Variants in TIAM1 observed in about 807,000 individuals in gnomAD.
The protein encoded by TIAM1 is TIAM Rac1 associated GEF 1.
In TIAM1, 65 loss-of-function variants were observed where a neutral mutation model predicts 163.5. The ratio of observed to expected loss-of-function variants is 0.40; its 90% CI spans 0.33 to 0.49. The LOEUF (loss-of-function observed/expected upper bound fraction) is 0.49. TIAM1 is among the 20% of genes least tolerant of loss of function. The probability of loss-of-function intolerance (pLI) is 0.77; values close to 1 mark genes in which losing one functional copy is unlikely to be tolerated. For synonymous variants in TIAM1, 833 were observed against 810.1 expected, an observed-to-expected ratio of 1.03 and a Z score of -0.48; for missense variants, 1,789 against 2,044.7, an observed-to-expected ratio of 0.87 and a Z score of 2.41.
At chr21:31,353,774 C>T (rs979803523) in intron 2 of TIAM1, among the ~76,000 whole-genome samples, 85 of 150,488 alleles carry the variant, frequency 5.6e-4, no homozygotes, top group Middle Eastern at 3.4e-3. Context: ...ACAATCTTGT[C>T]ATTAACAACC....
chr21:31,463,686 C>T (rs528652566), intron 2 of TIAM1, among the ~76,000 whole-genome samples: 1 of 151,960 alleles, frequency 6.6e-6, no homozygotes, highest in African/African-American at 2.4e-5. Context: ...GGCATTGTGG[C>T]GGGCACCTGT....
At chr21:31,267,471 G>A (rs1201908002) in intron 3 of TIAM1, among the ~76,000 whole-genome samples, 1 of 151,116 alleles carries the variant, frequency 6.6e-6, no homozygotes, top group Non-Finnish European at 1.5e-5. Context: ...AGGTGCATTT[G>A]GTAACCTCCT....
intron 2 of TIAM1, among the ~76,000 whole-genome samples, chr21:31,357,523 G>A (rs1317354046): frequency 6.6e-6 from 1 of 152,068 alleles, no homozygotes. Context: ...TTGTGATGAG[G>A]TCCAATCTCC....
intron 1 of TIAM1, among the ~76,000 whole-genome samples, chr21:31,544,169 C>T (rs1436942699): frequency 1.3e-5 from 2 of 151,606 alleles, no homozygotes; most frequent in African/African-American, 4.8e-5. Context: ...GATCATATCA[C>T]TGCACTCCAG....
intron 6 of TIAM1, among the ~76,000 whole-genome samples, chr21:31,243,207 A>ATATATATATATAT (rs1257885611): frequency 1.7e-5 from 2 of 117,348 alleles, no homozygotes; most frequent in African/African-American, 7.4e-5. Context: ...AAAAAAAAAA[A>ATATATATATATAT]AAATATATAT....
At chr21:31,512,480 A>G (rs2047241286) in intron 1 of TIAM1, among the ~76,000 whole-genome samples, 1 of 152,172 alleles carries the variant, frequency 6.6e-6, no homozygotes, top group Admixed American at 6.5e-5. Flanking sequence ...AACTACGGAC[A>G]CAGCCCTCTG....
chr21:31,228,219 TTAAAAAAAAAAAAAAAAAAA>T (rs2088120359), intron 6 of TIAM1, among the ~76,000 whole-genome samples: 10 of 17,628 alleles, frequency 5.7e-4, no homozygotes, highest in African/African-American at 1.7e-3. Flanking sequence ...CCTCCTTTTT[TTAAAAAAAAAAAAAAAAAAA>T]AAAAAAAAAA....
intron 4 of TIAM1, among the ~76,000 whole-genome samples, chr21:31,262,040 G>T (rs1040984172): frequency 6.6e-6 from 1 of 152,108 alleles, no homozygotes; most frequent in Non-Finnish European, 1.5e-5. Flanking sequence ...TCCATCAAAC[G>T]GCAGGTTTCT....
chr21:31,351,763 C>T (rs1171397051), intron 2 of TIAM1, among the ~76,000 whole-genome samples: 1 of 152,168 alleles, frequency 6.6e-6, no homozygotes, highest in African/African-American at 2.4e-5. Flanking sequence ...CCCTGGAATA[C>T]CAAGAAATTA....
intron 9 of TIAM1, among the ~76,000 whole-genome samples, chr21:31,217,134 G>A (rs184243516): frequency 7.2e-5 from 11 of 151,980 alleles, no homozygotes; most frequent in African/African-American, 2.7e-4. Flanking sequence ...TTGAATCAGG[G>A]AGGTGGAGGT....
At chr21:31,203,268 G>A (rs1226602021) in intron 11 of TIAM1, among the ~76,000 whole-genome samples, 4 of 151,976 alleles carry the variant, frequency 2.6e-5, no homozygotes, top group Admixed American at 6.6e-5. Context: ...GATTACAGGC[G>A]CCCACCACCA....
intron 10 of TIAM1, among the ~76,000 whole-genome samples, chr21:31,211,332 C>T (rs1010628376): frequency 1.3e-5 from 2 of 152,060 alleles, no homozygotes; most frequent in Non-Finnish European, 2.9e-5. Context: ...TTAGGAGCCC[C>T]GCGAAATAAG....
chr21:31,425,782 C>T (rs1297550506), intron 2 of TIAM1, among the ~76,000 whole-genome samples: 1 of 151,850 alleles, frequency 6.6e-6, no homozygotes, highest in Admixed American at 6.6e-5. Flanking sequence ...TTGCAACCTC[C>T]GCCTCGCAGG....
At chr21:31,538,181 C>G (rs559468212) in intron 1 of TIAM1, among the ~76,000 whole-genome samples, 1 of 152,316 alleles carries the variant, frequency 6.6e-6, no homozygotes, top group African/African-American at 2.4e-5. Context: ...ATTCATCAAG[C>G]TGTACAAATA....
chr21:31,462,280 A>G (rs1347141723), intron 2 of TIAM1, among the ~76,000 whole-genome samples: 1 of 152,228 alleles, frequency 6.6e-6, no homozygotes, highest in Non-Finnish European at 1.5e-5. Context: ...AACTTTATTT[A>G]CAAAAACAGG....
At chr21:31,210,578 GAA>G (rs1569031027) in intron 10 of TIAM1, among the ~76,000 whole-genome samples, 18 of 118,052 alleles carry the variant, frequency 1.5e-4, no homozygotes, top group Non-Finnish European at 1.8e-4. Context: ...AAGAAAGAAA[GAA>G]AGAAAGAAAG....
chr21:31,485,423 A>C (rs1208485205), intron 1 of TIAM1, among the ~76,000 whole-genome samples: 4 of 152,228 alleles, frequency 2.6e-5, no homozygotes, highest in Non-Finnish European at 4.4e-5. Flanking sequence ...GGAGCCTATA[A>C]AATTCATGTG....
At chr21:31,208,995 C>T (rs2086588472) in intron 11 of TIAM1, among the ~76,000 whole-genome samples, 2 of 152,014 alleles carry the variant, frequency 1.3e-5, no homozygotes, top group South Asian at 4.2e-4. Context: ...ATTCACTCCC[C>T]TAAGAATATA....
intron 23 of TIAM1, among the ~76,000 whole-genome samples, chr21:31,134,324 T>C (rs1385152737): frequency 1.3e-5 from 2 of 151,940 alleles, no homozygotes; most frequent in African/African-American, 2.4e-5. Context: ...ATCCAGGAGA[T>C]CCCAGACTCC....
Sources: allele counts gnomAD v4.1 joint callset (sites outside exome capture counted in the v4.1 genomes callset), GRCh38; gene constraint gnomAD v4.1.1; transcripts MANE v1.5; gene names NCBI Gene and HGNC (gene_info 2026-07-23, HGNC 2026-07-21).